The following RBFOX1 variants were observed in gnomAD, a reference collection of about 807,000 sequenced individuals.
RBFOX1 encodes RNA binding protein fox-1 homolog 1.
In RBFOX1, 8 loss-of-function variants were observed where a neutral mutation model predicts 57.7. The ratio of observed to expected loss-of-function variants is 0.14; its 90% CI spans 0.08 to 0.25. The LOEUF is 0.25. Among genes scored for constraint, RBFOX1 ranks in the 10% least tolerant of loss-of-function variants. RBFOX1 has a pLI of 1.00. For synonymous variants in RBFOX1, 326 were observed against 222.4 expected, an observed-to-expected ratio of 1.47 and a Z score of -4.15; for missense variants, 611 against 548.5, an observed-to-expected ratio of 1.11 and a Z score of -1.14.
intron 1 of RBFOX1, among the ~76,000 whole-genome samples, chr16:6,135,571 T>C (rs1212382853): frequency 6.6e-6 from 1 of 152,002 alleles, no homozygotes; most frequent in African/African-American, 2.4e-5. Flanking sequence ...AATGAAAACA[T>C]TGGTCTGTTT....
chr16:7,609,685 C>T (rs1323131196), intron 10 of RBFOX1, among the ~76,000 whole-genome samples: 1 of 152,094 alleles, frequency 6.6e-6, no homozygotes, highest in African/African-American at 2.4e-5. Flanking sequence ...TACCAAAATG[C>T]AAAAAGTTGG....
chr16:5,626,099 C>T (rs971889735), intron 3 of RBFOX1, among the ~76,000 whole-genome samples: 5 of 152,160 alleles, frequency 3.3e-5, no homozygotes, highest in African/African-American at 9.7e-5. Context: ...AGGCTGGTCT[C>T]GAGCTCCTGA....
At chr16:5,589,954 G>T (rs2046952279) in intron 2 of RBFOX1, among the ~76,000 whole-genome samples, 1 of 152,066 alleles carries the variant, frequency 6.6e-6, no homozygotes, top group African/African-American at 2.4e-5. Context: ...GGTCTCCCCT[G>T]TCACTGCCTT....
At chr16:7,179,874 A>G (rs2082357200) in intron 4 of RBFOX1, among the ~76,000 whole-genome samples, 1 of 151,756 alleles carries the variant, frequency 6.6e-6, no homozygotes, top group East Asian at 1.9e-4. Flanking sequence ...AGCTGGGATA[A>G]CAGACATCTG....
At chr16:6,742,608 A>G (rs1204694707) in intron 3 of RBFOX1, among the ~76,000 whole-genome samples, 1 of 152,196 alleles carries the variant, frequency 6.6e-6, no homozygotes, top group Non-Finnish European at 1.5e-5. Context: ...GTGAATGGTT[A>G]AAGAAACTGT....
intron 3 of RBFOX1, among the ~76,000 whole-genome samples, chr16:6,690,477 A>T (rs371043552): frequency 1.3e-5 from 2 of 152,134 alleles, no homozygotes; most frequent in South Asian, 2.1e-4. Flanking sequence ...AACATTAAAG[A>T]AAAAAATAAA....
chr16:6,298,304 C>G (rs1599348791), intron 1 of RBFOX1, among the ~76,000 whole-genome samples: 1 of 152,164 alleles, frequency 6.6e-6, no homozygotes, highest in Non-Finnish European at 1.5e-5. Context: ...ACAGGGTGCT[C>G]CATAGACACC....
At chr16:6,628,338 T>C (rs904844426) in intron 2 of RBFOX1, among the ~76,000 whole-genome samples, 3 of 152,214 alleles carry the variant, frequency 2.0e-5, no homozygotes, top group Non-Finnish European at 2.9e-5. Context: ...AAACCTAGAG[T>C]ATGTCCCAAC....
chr16:7,354,829 G>C (rs896397764), intron 4 of RBFOX1, among the ~76,000 whole-genome samples: 6 of 152,176 alleles, frequency 3.9e-5, no homozygotes, highest in African/African-American at 7.2e-5. Flanking sequence ...GGTTGTACTA[G>C]ACAGTATGAT....
rs188022775 is a variant in RBFOX1, at chr16:7,146,506, G to C, written c.27+94408G>C. ...CTTCAGCTTTCTGATACTAGAGAGA[G>C]CTAGGATGCATAGGCCATCAGAGTT... On this transcript the variant is annotated intron_variant, in intron 4 of 15. Coordinates refer to ENST00000550418, the MANE Select transcript of RBFOX1 (RefSeq NM_018723.4). Among the ~76,000 whole-genome samples the C allele has an allele frequency of 1.3e-5, 2 of 152,278 alleles. 1 individual carries two copies. Among genetic ancestry groups the C allele is most frequent in the African/African-American group, 4.8e-5 (2 of 41,566 alleles).
At chr16:6,972,149 T>C (rs918490527) in intron 3 of RBFOX1, among the ~76,000 whole-genome samples, 1 of 152,186 alleles carries the variant, frequency 6.6e-6, no homozygotes, top group African/African-American at 2.4e-5. Context: ...AGAATATAGT[T>C]CAGTAGTGTT....
At chr16:7,123,513 C>T (rs765967149) in intron 4 of RBFOX1, among the ~76,000 whole-genome samples, 1 of 152,030 alleles carries the variant, frequency 6.6e-6, no homozygotes, top group Non-Finnish European at 1.5e-5. Flanking sequence ...TACAGGTGCA[C>T]CTCAACATAA....
chr16:5,501,502 T>A (rs1397698475), intron 2 of RBFOX1, among the ~76,000 whole-genome samples: 2 of 152,058 alleles, frequency 1.3e-5, no homozygotes, highest in African/African-American at 4.8e-5. Context: ...GAAGAGGGTT[T>A]GTCTCTGGAG....
At chr16:7,161,192 G>A (rs1452234609) in intron 4 of RBFOX1, among the ~76,000 whole-genome samples, 3 of 152,150 alleles carry the variant, frequency 2.0e-5, no homozygotes, top group Non-Finnish European at 4.4e-5. Context: ...TCTGCAGCAG[G>A]ACTATGTGGA....
intron 3 of RBFOX1, among the ~76,000 whole-genome samples, chr16:5,780,801 C>T (rs1389565435): frequency 1.3e-5 from 2 of 152,224 alleles, no homozygotes; most frequent in Non-Finnish European, 1.5e-5. Context: ...GTTCAAGTTA[C>T]TCACTTAACC....
intron 3 of RBFOX1, among the ~76,000 whole-genome samples, chr16:6,940,976 G>C (rs1330758260): frequency 6.6e-6 from 1 of 151,780 alleles, no homozygotes; most frequent in Non-Finnish European, 1.5e-5. Flanking sequence ...CAAAGTGCTG[G>C]GATTACAGGC....
chr16:6,607,484 C>G (rs751335612), intron 2 of RBFOX1, among the ~76,000 whole-genome samples: 1 of 145,714 alleles, frequency 6.9e-6, no homozygotes, highest in Non-Finnish European at 1.5e-5. Flanking sequence ...TCTCTCCTTA[C>G]TCTTTCTTCC....
intron 14 of RBFOX1, among the ~76,000 whole-genome samples, chr16:7,695,552 C>A (rs897846194): frequency 6.7e-6 from 1 of 150,210 alleles, no homozygotes. Context: ...ACTCAGGAGA[C>A]TGAGGCAGAG....
At chr16:6,740,290 C>G (rs982779492) in intron 3 of RBFOX1, among the ~76,000 whole-genome samples, 2 of 152,106 alleles carry the variant, frequency 1.3e-5, no homozygotes, top group Non-Finnish European at 2.9e-5. Flanking sequence ...GTGCAAAAAA[C>G]CTACATCTAA....
Sources: gnomAD v4.1 joint callset for allele counts (sites outside exome capture counted in the v4.1 genomes callset) on GRCh38, gnomAD v4.1.1 for gene constraint, MANE v1.5 for transcripts, NCBI Gene and HGNC (gene_info 2026-07-23, HGNC 2026-07-21) for gene names.